Variants in NSUN3 observed in about 807,000 individuals in gnomAD.
NSUN3 encodes the protein tRNA (cytosine(34)-C(5))-methyltransferase, mitochondrial.
A neutral mutation model predicts 36.8 loss-of-function variants in NSUN3; 24 were observed. The observed-to-expected ratio is 0.65, with a 90% confidence interval of 0.47 to 0.92. NSUN3 has a LOEUF of 0.92. Ranked by LOEUF, NSUN3 falls within the 40% of genes least tolerant of loss-of-function variation. The pLI is 0.00. For synonymous variants in NSUN3, 146 were observed against 145.2 expected, an observed-to-expected ratio of 1.01 and a Z score of -0.04; for missense variants, 381 against 392.8, an observed-to-expected ratio of 0.97 and a Z score of 0.25.
chr3:94,100,771 A>G (rs2077362339), intron 5 of NSUN3, among the ~76,000 whole-genome samples: 1 of 152,130 alleles, frequency 6.6e-6, no homozygotes, highest in Non-Finnish European at 1.5e-5. Flanking sequence ...TTAAAAAGGT[A>G]TTTATGCCCT....
intron 5 of NSUN3, among the ~76,000 whole-genome samples, chr3:94,097,982 C>T (rs1041941991): frequency 3.3e-5 from 5 of 152,028 alleles, no homozygotes; most frequent in Admixed American, 2.6e-4. Context: ...ATTACCGATC[C>T]GAGATCTCCA....
chr3:94,098,087 G>C lies in NSUN3; in HGVS notation c.743+2933G>C, dbSNP rs1465868231. On this transcript the variant is annotated intron_variant, in intron 5 of 5. Transcript: ENST00000314622. ...ATCGACAAAACAAAAAATCAGACTAGAAATTCCACCAACCTGCCTCTTCCC... is the reference window on the plus strand; with the variant it reads ...ATCGACAAAACAAAAAATCAGACTACAAATTCCACCAACCTGCCTCTTCCC... Among the ~76,000 whole-genome samples the C allele has an allele frequency of 2.0e-5, 3 of 152,060 alleles. No individual in the cohort carries two copies. The East Asian group carries it at 5.8e-4, about 29-fold the overall frequency.
At chr3:94,096,620 C>A (rs897577161) in intron 5 of NSUN3, among the ~76,000 whole-genome samples, 17 of 151,958 alleles carry the variant, frequency 1.1e-4, no homozygotes, top group Admixed American at 3.9e-4. Flanking sequence ...TGCCTCAGCC[C>A]CCCAAGTGGC....
chr3:94,107,821 C>G (rs948724729), intron 5 of NSUN3, among the ~76,000 whole-genome samples: 2 of 152,124 alleles, frequency 1.3e-5, no homozygotes, highest in Non-Finnish European at 2.9e-5. Flanking sequence ...CTGTTCTACT[C>G]AATCAGAAAT....
At chr3:94,116,402 C>T (rs115430223) in intron 5 of NSUN3, among the ~76,000 whole-genome samples, 2,088 of 152,158 alleles carry the variant, frequency 0.014, 47 homozygotes, top group African/African-American at 0.047. Flanking sequence ...AATACAGACA[C>T]GCAGATCAAA....
At chr3:94,094,017 C>A in intron 3 of NSUN3, 123 bp from the exon 4 acceptor site, 1 of 679,408 alleles carries the variant, frequency 1.5e-6, no homozygotes. Context: ...TAATGTTTAC[C>A]TCTGAGCCCT....
Position 94,084,219 on chromosome 3 carries a change from C to G in NSUN3, c.235C>G (p.Gln79Glu). 1 of 1,614,098 alleles carries G rather than the reference C, an allele frequency of 6.2e-7. No homozygotes were observed. The highest frequency in any genetic ancestry group is 8.5e-7 in the Non-Finnish European group (1 of 1,179,956). Residue 79 changes from glutamine (Q) to glutamate (E), a missense_variant, in exon 3 of 6, where the codon CAG becomes GAG. Physicochemically the swap from Gln to Glu is conservative, Grantham distance 29. Coordinates refer to ENST00000314622, the MANE Select transcript of NSUN3 (RefSeq NM_022072.5). ...TTTGAAGGGCTATCACACACTCTCT[C>G]AGGGATCTTTACCCAACTATCCTAA... ...LHLKGYHTLS[Q>E]GSLPNYPKSV...
At chr3:94,091,567 CAGT>C (rs2077315292) in intron 3 of NSUN3, among the ~76,000 whole-genome samples, 1 of 152,140 alleles carries the variant, frequency 6.6e-6, no homozygotes, top group Non-Finnish European at 1.5e-5. Flanking sequence ...TATACAATAA[CAGT>C]AGCATCTAAA....
intron 2 of NSUN3, among the ~76,000 whole-genome samples, chr3:94,083,270 A>G (rs1400322369): frequency 6.6e-6 from 1 of 152,178 alleles, no homozygotes; most frequent in Non-Finnish European, 1.5e-5. Context: ...TGGAGTTTTG[A>G]ACAAAGAATC....
At chr3:94,071,939 G>GT (rs1177673837) in intron 2 of NSUN3, among the ~76,000 whole-genome samples, 12 of 152,282 alleles carry the variant, frequency 7.9e-5, no homozygotes, top group African/African-American at 2.4e-4. Context: ...CACAGGAGGG[G>GT]TTGTATGTGT....
intron 5 of NSUN3, 112 bp downstream of exon 5, chr3:94,095,266 A>T: frequency 9.6e-7 from 1 of 1,037,094 alleles, no homozygotes; most frequent in Non-Finnish European, 1.4e-6. Context: ...GTCAATGATT[A>T]TTCCTCCAAA....
intron 5 of NSUN3, among the ~76,000 whole-genome samples, chr3:94,106,590 T>C (rs1300241300): frequency 6.6e-6 from 1 of 152,238 alleles, no homozygotes; most frequent in African/African-American, 2.4e-5. Flanking sequence ...AATCTGCATC[T>C]ATTTGATAGA....
chr3:94,098,065 G>A (rs1212743224), intron 5 of NSUN3, among the ~76,000 whole-genome samples: 1 of 151,834 alleles, frequency 6.6e-6, no homozygotes, highest in East Asian at 1.9e-4. Context: ...TCACCAAATC[G>A]ACAAAACAAA....
chr3:94,104,705 A>G (rs1366792657), intron 5 of NSUN3, among the ~76,000 whole-genome samples: 1 of 152,228 alleles, frequency 6.6e-6, no homozygotes, highest in African/African-American at 2.4e-5. Flanking sequence ...ATGAAATCAA[A>G]TAATTACATT....
chr3:94,076,055 A>T lies in NSUN3; in HGVS notation c.123-8052A>T. ...ATTGGGATTCCAGGAGAAATCAGAT[A>T]TCTTGGCAGTGTGACCACCATGAAT... On this transcript the variant is annotated intron_variant, in intron 2 of 5. Coordinates refer to ENST00000314622, the MANE Select transcript of NSUN3 (RefSeq NM_022072.5). 3 of 1,602,546 alleles carry T rather than the reference A, an allele frequency of 1.9e-6. No homozygotes were observed. In the South Asian group the frequency reaches 3.3e-5, roughly 18 times the overall value.
intron 2 of NSUN3, among the ~76,000 whole-genome samples, chr3:94,071,497 G>C (rs904903185): frequency 6.6e-6 from 1 of 152,144 alleles, no homozygotes; most frequent in Non-Finnish European, 1.5e-5. Flanking sequence ...ATGATATTTA[G>C]TTTCCACTGG....
chr3:94,098,558 G>A (rs998886740), intron 5 of NSUN3, among the ~76,000 whole-genome samples: 4 of 152,142 alleles, frequency 2.6e-5, no homozygotes, highest in African/African-American at 9.7e-5. Context: ...TAAAAGAGCT[G>A]CAATACTTCA....
chr3:94,084,110 G>A lies in NSUN3; in HGVS notation c.126G>A (p.Glu42=). Residue 42 remains glutamate (E), a synonymous_variant, in exon 3 of 6, where the codon GAG becomes GAA. Transcript: ENST00000314622. ...TTTTCTCTTTTTCTATTTCTAGGGA[G>A]ATACTAACATCTCCATCATGCTGGC... is the stretch of plus-strand genomic sequence containing the variant. ...ELGDAWNTVR[E]ILTSPSCWQY... 6.2e-7 allele frequency: 1 copy of A among 1,607,912 alleles called. No individual in the cohort carries two copies. Among genetic ancestry groups the A allele is most frequent in the Non-Finnish European group, 8.5e-7 (1 of 1,175,012 alleles).
In NSUN3 at chr3:94,127,432, G is replaced by A. The variant is rs968913683; in HGVS notation, c.*942G>A. 2 of 152,116 alleles carry A rather than the reference G, an allele frequency of 1.3e-5. No homozygotes were observed. The highest frequency in any genetic ancestry group is 4.1e-4 in the South Asian group (2 of 4,824). The allele number at this position is 152,116 out of a possible 1,614,324, so 9.4% of individuals were successfully genotyped here. ...TGATGCCACATATTAATGCACAAGAGGGAGATGCCTAATGAGAGTGGACTG... is the reference window on the plus strand; with the variant it reads ...TGATGCCACATATTAATGCACAAGAAGGAGATGCCTAATGAGAGTGGACTG... On this transcript the variant is annotated 3_prime_UTR_variant, in exon 6 of 6. Transcript: ENST00000314622.
Sources: gnomAD v4.1 joint callset for allele counts (sites outside exome capture counted in the v4.1 genomes callset) on GRCh38, gnomAD v4.1.1 for gene constraint, MANE v1.5 for transcripts, NCBI Gene and HGNC (gene_info 2026-07-23, HGNC 2026-07-21) for gene names.